Variants in ALDH6A1 observed in about 807,000 individuals in gnomAD.
ALDH6A1 encodes aldehyde dehydrogenase 6 family member A1.
Under a neutral mutation model 62.6 loss-of-function variants are expected in ALDH6A1, and 43 were observed. The ratio of observed to expected loss-of-function variants is 0.69; its 90% confidence interval spans 0.54 to 0.89. ALDH6A1 has a LOEUF of 0.89. Ranked by LOEUF, ALDH6A1 falls within the 40% of genes least tolerant of loss-of-function variation. The probability of loss-of-function intolerance (pLI) is 0.00; values close to 1 mark genes in which losing one functional copy is unlikely to be tolerated. For synonymous variants in ALDH6A1, 194 were observed against 234.2 expected (o/e 0.83, Z 1.57); for missense variants, 551 against 661.3 (o/e 0.83, Z 1.83).
At position 74,082,393 on chromosome 14, in the gene ALDH6A1, G is replaced by GTTTTTTT. The variant is rs869211328; in HGVS notation, c.48+1947_48+1953dup. Among the ~76,000 whole-genome samples, 7 of 77,568 alleles carry GTTTTTTT rather than the reference G, an allele frequency of 9.0e-5. 1 individual carries two copies. The highest frequency in any genetic ancestry group is 1.7e-4 in the Admixed American group (1 of 5,882). 50.9% of individuals were successfully genotyped at this position (77,568 alleles called of 152,430 possible). The stretch of plus-strand genomic sequence containing the variant: ...AATATTCATGGCTGCCAAAATCGAG[G>GTTTTTTT]TTTTTTTTTTTTTTTTTTTTTTTTT... On this transcript the variant is annotated intron_variant, in intron 1 of 11. Coordinates refer to ENST00000553458, the MANE Select transcript of ALDH6A1 (RefSeq NM_005589.4).
chr14:74,065,155 ATC>A, intron 10 of ALDH6A1, 24 bp downstream of exon 10: 1 of 1,612,428 alleles, frequency 6.2e-7, no homozygotes, highest in Non-Finnish European at 8.5e-7. Flanking sequence ...GGATATAAGA[ATC>A]TCTTAAAAAT....
intron 1 of ALDH6A1, among the ~76,000 whole-genome samples, chr14:74,075,881 C>T (rs964308190): frequency 6.6e-6 from 1 of 152,054 alleles, no homozygotes; most frequent in Non-Finnish European, 1.5e-5. Flanking sequence ...TATTCATACA[C>T]TGGAATACTA....
In ALDH6A1 at chr14:74,068,506, C is replaced by T. The variant is rs1354563610; in HGVS notation, c.852+354G>A. Reference sequence around the variant, plus strand: ...CTGTAATCCCAGCACTTTGGGAGGCCGAGGCGGGCAGATCATGAGGTCAGG... The same window carrying T: ...CTGTAATCCCAGCACTTTGGGAGGCTGAGGCGGGCAGATCATGAGGTCAGG... On this transcript the variant is annotated intron_variant, in intron 7 of 11. Coordinates refer to ENST00000553458, the MANE Select transcript of ALDH6A1 (RefSeq NM_005589.4). 2.0e-5 allele frequency among the ~76,000 whole-genome samples: 3 copies of T among 151,846 alleles called. No individual in the cohort carries two copies. The East Asian group carries it at 5.8e-4, about 29-fold the overall frequency.
chr14:74,075,446 TAGG>T (rs1483605850), intron 1 of ALDH6A1, among the ~76,000 whole-genome samples: 1 of 152,046 alleles, frequency 6.6e-6, no homozygotes, highest in Non-Finnish European at 1.5e-5. Context: ...CACTTGAGTC[TAGG>T]AGTTTTGAGA....
chr14:74,077,355 A>G (rs1000529127), intron 1 of ALDH6A1, among the ~76,000 whole-genome samples: 9 of 152,138 alleles, frequency 5.9e-5, no homozygotes, highest in Non-Finnish European at 8.8e-5. Context: ...TTGGTATCTT[A>G]TTCCGTTTTG....
At position 74,057,683 on chromosome 14, in the gene ALDH6A1, A is replaced by C. The variant is rs2060248990; in HGVS notation, c.*2959T>G. ...CAAGTTTTTCTCTTTAAGAGTTTTT[A>C]ATTTATAATTTGTTATTCATAATTA... is the stretch of plus-strand genomic sequence containing the variant. On this transcript the variant is annotated 3_prime_UTR_variant, in exon 12 of 12. Coordinates refer to ENST00000553458, the MANE Select transcript of ALDH6A1 (RefSeq NM_005589.4). 7.8e-7 allele frequency: 1 copy of C among 1,284,408 alleles called. No homozygotes were observed. Among genetic ancestry groups the C allele is most frequent in the Non-Finnish European group, 1.0e-6 (1 of 993,772 alleles). The allele number at this position is 1,284,408 out of a possible 1,614,324, so 79.6% of individuals were successfully genotyped here. A position where few individuals can be genotyped will look rare whatever the true frequency, so the allele number is the denominator to read the frequency against.
Position 74,065,171 on chromosome 14 carries a change from G to A in ALDH6A1, c.1404+10C>T. The A allele has an allele frequency of 6.2e-7, 1 of 1,613,894 alleles. No individual in the cohort carries two copies. Among genetic ancestry groups the A allele is most frequent in the Non-Finnish European group, 8.5e-7 (1 of 1,179,894 alleles). On this transcript the variant is annotated intron_variant, in intron 10 of 11. Transcript: ENST00000553458. ...GATATAAGAATCTCTTAAAAATTCTGTTCACGAACCTGTCCAACATCCACC... is the reference window on the plus strand; with the variant it reads ...GATATAAGAATCTCTTAAAAATTCTATTCACGAACCTGTCCAACATCCACC...
chr14:74,067,951 G>A (rs2139776554), intron 7 of ALDH6A1, among the ~76,000 whole-genome samples: 1 of 145,938 alleles, frequency 6.9e-6, no homozygotes, highest in East Asian at 2.0e-4. Context: ...ACAAAAAACA[G>A]GAATTTGTTG....
chr14:74,059,106 A>C lies in ALDH6A1; in HGVS notation c.*1536T>G. On this transcript the variant is annotated 3_prime_UTR_variant, in exon 12 of 12. Coordinates refer to ENST00000553458, the MANE Select transcript of ALDH6A1 (RefSeq NM_005589.4). ...TCTCAAAAAAAAAAAAAAAAAAAAA[A>C]GCGTAAAGGCAGTTGAACTAATGGC... 5.8e-6 allele frequency: 1 copy of C among 173,348 alleles called. No homozygotes were observed. Among genetic ancestry groups the C allele is most frequent in the South Asian group, 1.1e-4 (1 of 9,192 alleles). 10.7% of individuals were successfully genotyped at this position (173,348 alleles called of 1,614,324 possible).
chr14:74,066,667 C>G (rs2060471193), intron 9 of ALDH6A1, 38 bp downstream of exon 9: 1 of 1,583,874 alleles, frequency 6.3e-7, no homozygotes, highest in Non-Finnish European at 8.7e-7. Flanking sequence ...CTTTAAGGTG[C>G]CTTCAGCTCT....
At chr14:74,064,348 A>G (rs2060422270) in intron 11 of ALDH6A1, among the ~76,000 whole-genome samples, 1 of 152,038 alleles carries the variant, frequency 6.6e-6, no homozygotes, top group African/African-American at 2.4e-5. Context: ...TCTGCTACAA[A>G]GAACGTGCTC....
At position 74,057,658 on chromosome 14, in the gene ALDH6A1, C is replaced by A; in HGVS notation, c.*2984G>T. Reference sequence around the variant, plus strand: ...GAGATATGAAATGATTTTTTTAAGCCAAGTTTTTCTCTTTAAGAGTTTTTA... The same window carrying A: ...GAGATATGAAATGATTTTTTTAAGCAAAGTTTTTCTCTTTAAGAGTTTTTA... On this transcript the variant is annotated 3_prime_UTR_variant, in exon 12 of 12. Coordinates refer to ENST00000553458, the MANE Select transcript of ALDH6A1 (RefSeq NM_005589.4). 2 of 1,324,862 alleles carry A rather than the reference C, an allele frequency of 1.5e-6. No homozygotes were observed. Among genetic ancestry groups the A allele is most frequent in the South Asian group, 1.3e-5 (1 of 79,710 alleles). The allele number at this position is 1,324,862 out of a possible 1,614,324, so 82.1% of individuals were successfully genotyped here.
chr14:74,065,503 T>A, intron 9 of ALDH6A1, 143 bp from the exon 10 acceptor site: 2 of 814,326 alleles, frequency 2.5e-6, no homozygotes, highest in African/African-American at 1.7e-5. Flanking sequence ...AAATCACCTA[T>A]TTAAAAAAAA....
In ALDH6A1 at chr14:74,072,210, T is replaced by C; in HGVS notation, c.341A>G (p.Glu114Gly). 6.2e-7 allele frequency: 1 copy of C among 1,614,206 alleles called. No homozygotes were observed. The highest frequency in any genetic ancestry group is 1.1e-5 in the South Asian group (1 of 91,090). The part of the protein sequence containing the change: ...VLLRYQQLIK[E>G]NLKEIAKLIT... The stretch of plus-strand genomic sequence containing the variant: ...ACCATTTAGATTTCATACCAAGTTT[T>C]CTTTAATAAGTTGTTGATAGCGGAG... Residue 114 changes from glutamate (E) to glycine (G), a missense_variant, in exon 4 of 12, where the codon GAA (glutamate) becomes GGA (glycine). By Grantham distance (98) the Glu-to-Gly change is moderately conservative (BLOSUM62 -2). Coordinates refer to ENST00000553458, the MANE Select transcript of ALDH6A1 (RefSeq NM_005589.4).
At chr14:74,066,326 T>A (rs1244989908) in intron 9 of ALDH6A1, among the ~76,000 whole-genome samples, 1 of 152,174 alleles carries the variant, frequency 6.6e-6, no homozygotes, top group African/African-American at 2.4e-5. Flanking sequence ...TGAAAAAAAA[T>A]TAATCATATA....
intron 5 of ALDH6A1, 108 bp downstream of exon 5, chr14:74,071,788 G>T: frequency 6.7e-7 from 1 of 1,484,678 alleles, no homozygotes; most frequent in Non-Finnish European, 9.4e-7. Flanking sequence ...AGATATCATG[G>T]GATGGCAAAA....
intron 11 of ALDH6A1, among the ~76,000 whole-genome samples, chr14:74,062,819 T>A (rs991945624): frequency 6.6e-6 from 1 of 151,510 alleles, no homozygotes; most frequent in Non-Finnish European, 1.5e-5. Context: ...AAAAAAAAAA[T>A]CAACCTATAA....
chr14:74,069,191 G>A (rs1346496259), intron 6 of ALDH6A1: 27 of 424,890 alleles, frequency 6.4e-5, no homozygotes, highest in South Asian at 5.6e-4. Context: ...TGCAACCTCC[G>A]CCTCCCAGGT....
At chr14:74,072,490 T>A in intron 3 of ALDH6A1, 47 bp downstream of exon 3, 2 of 1,613,716 alleles carry the variant, frequency 1.2e-6, no homozygotes, top group Non-Finnish European at 1.7e-6. Flanking sequence ...ATCATGTCCC[T>A]AGAATTCTAG....
Sources: allele counts gnomAD v4.1 joint callset (sites outside exome capture counted in the v4.1 genomes callset), GRCh38; gene constraint gnomAD v4.1.1; transcripts MANE v1.5; gene names NCBI Gene and HGNC (gene_info 2026-07-23, HGNC 2026-07-21).